The following AXIN1 variants were observed in gnomAD, a reference collection of about 807,000 sequenced individuals.
AXIN1 encodes axin-1.
Under a neutral mutation model 76.4 loss-of-function variants are expected in AXIN1, and 30 were observed. The observed-to-expected ratio is 0.39, with a 90% CI of 0.29 to 0.53. The LOEUF is 0.53. AXIN1 is among the 20% of genes least tolerant of loss of function. The pLI is 0.66. For synonymous variants in AXIN1, 545 were observed against 501.4 expected (o/e 1.09, Z -1.16); for missense variants, 1,140 against 1,198.8 (o/e 0.95, Z 0.72).
intron 3 of AXIN1, among the ~76,000 whole-genome samples, chr16:312,129 C>G (rs1021933686): frequency 6.6e-6 from 1 of 152,224 alleles, no homozygotes; most frequent in African/African-American, 2.4e-5. Flanking sequence ...GTAACCTCCA[C>G]AGGCCTCCGT....
At chr16:335,172 C>T (rs1463997980) in intron 2 of AXIN1, among the ~76,000 whole-genome samples, 4 of 152,142 alleles carry the variant, frequency 2.6e-5, no homozygotes, top group African/African-American at 9.7e-5. Flanking sequence ...TGTGGTATCT[C>T]CAACATAACT....
intron 2 of AXIN1, among the ~76,000 whole-genome samples, chr16:320,952 C>G (rs190950855): frequency 6.6e-6 from 1 of 151,890 alleles, no homozygotes; most frequent in African/African-American, 2.4e-5. Flanking sequence ...GTTGGTCAGG[C>G]TGGTCTCGAA....
intron 9 of AXIN1, chr16:289,910 G>C: frequency 1.9e-6 from 1 of 518,692 alleles, no homozygotes; most frequent in South Asian, 2.0e-5. Context: ...TAGGATGGCA[G>C]GGCAGGCTGC....
chr16:325,849 G>A (rs559542969), intron 2 of AXIN1, among the ~76,000 whole-genome samples: 120 of 152,274 alleles, frequency 7.9e-4, no homozygotes, highest in African/African-American at 2.8e-3. Flanking sequence ...AGCAGGACAA[G>A]CATTTCCTCA....
rs768431338 is a variant in AXIN1 at position 288,075 on chromosome 16, TG to T, written c.*46del. ...GTCATCTGCCTGGCCGTGACACCCG[TG>T]CCCGCCAAGGGCCTCGCCTGGCACA... On this transcript the variant is annotated 3_prime_UTR_variant, in exon 11 of 11. Transcript: ENST00000262320. 5.6e-6 allele frequency: 9 copies of T among 1,612,196 alleles called. No homozygotes were observed. In the Admixed American group the frequency reaches 1.5e-4, roughly 27 times the overall value.
At chr16:289,837 C>G (rs1407338206) in intron 9 of AXIN1, 1 of 607,962 alleles carries the variant, frequency 1.6e-6, no homozygotes, top group Admixed American at 2.7e-5. Flanking sequence ...CTCCCTGCTG[C>G]CTCACAGCCC....
At chr16:343,926 G>A (rs1366620596) in intron 2 of AXIN1, among the ~76,000 whole-genome samples, 3 of 151,266 alleles carry the variant, frequency 2.0e-5, no homozygotes, top group African/African-American at 7.3e-5. Context: ...CTTAAACCCA[G>A]GAGGCAGAAG....
At chr16:301,669 C>T (rs1473655629) in intron 5 of AXIN1, among the ~76,000 whole-genome samples, 1 of 152,136 alleles carries the variant, frequency 6.6e-6, no homozygotes, top group Non-Finnish European at 1.5e-5. Flanking sequence ...AAAATGGGAA[C>T]CTGCCCTACT....
chr16:350,597 A>G (rs755643374), intron 1 of AXIN1, among the ~76,000 whole-genome samples: 2 of 152,352 alleles, frequency 1.3e-5, no homozygotes, highest in Non-Finnish European at 1.5e-5. Context: ...CAAGTAACAC[A>G]ACACGACTCT....
intron 2 of AXIN1, among the ~76,000 whole-genome samples, chr16:336,853 A>C (rs1322564992): frequency 5.4e-5 from 8 of 149,402 alleles, no homozygotes; most frequent in Admixed American, 2.0e-4. Flanking sequence ...AAATACAAGA[A>C]CTTAACCAGG....
intron 7 of AXIN1, among the ~76,000 whole-genome samples, chr16:296,251 G>C (rs772583676): frequency 6.6e-6 from 1 of 152,260 alleles, no homozygotes. Context: ...CCACGCCCCA[G>C]GCGCTCAGCT....
rs2052732058 is a variant in AXIN1 at position 297,121 on chromosome 16, C to G, written c.1890G>C (p.Gln630His). ...PGASEDAEKN[Q>H]KIMQWIIEGE... ...CCTCAATGATCCACTGCATGATTTTCTGGTTCTTCTCCGCATCCTCCGAGG... is the reference window on the plus strand; with the variant it reads ...CCTCAATGATCCACTGCATGATTTTGTGGTTCTTCTCCGCATCCTCCGAGG... The change falls in exon 7 of 11, where the codon CAG becomes CAC. Residue 630 changes from glutamine to histidine, a missense_variant. Transcript: ENST00000262320. 6.2e-7 allele frequency: 1 copy of G among 1,612,794 alleles called. No individual in the cohort carries two copies. The highest frequency in any genetic ancestry group is 8.5e-7 in the Non-Finnish European group (1 of 1,179,954).
intron 6 of AXIN1, 90 bp from the exon 7 acceptor site, chr16:297,316 T>G: frequency 6.4e-7 from 1 of 1,555,540 alleles, no homozygotes; most frequent in Non-Finnish European, 8.7e-7. Context: ...CTGGCATCTG[T>G]AAGGCTCCCG....
chr16:324,036 G>A (rs1037318331), intron 2 of AXIN1, among the ~76,000 whole-genome samples: 16 of 152,100 alleles, frequency 1.1e-4, no homozygotes, highest in South Asian at 8.3e-4. Context: ...GGGAAGCCCC[G>A]TAGCCCACAG....
chr16:315,831 A>G (rs975748091), intron 2 of AXIN1, among the ~76,000 whole-genome samples: 1 of 147,506 alleles, frequency 6.8e-6, no homozygotes, highest in African/African-American at 2.6e-5. Context: ...CTGTCTCAAA[A>G]GAAAAAAAAA....
intron 2 of AXIN1, among the ~76,000 whole-genome samples, chr16:341,626 CG>C (rs2053924038): frequency 6.6e-6 from 1 of 152,250 alleles, no homozygotes; most frequent in Non-Finnish European, 1.5e-5. Flanking sequence ...CTGAGGAGTG[CG>C]GGCGCACGGC....
intron 2 of AXIN1, among the ~76,000 whole-genome samples, chr16:341,329 C>CGTGGGCTTG (rs1257284622): frequency 4.9e-4 from 75 of 152,368 alleles, no homozygotes; most frequent in Admixed American, 1.7e-3. Context: ...CCCGGGTGGG[C>CGTGGGCTTG]GTGGGCTTGG....
At chr16:306,300 A>G (rs1407986596) in intron 4 of AXIN1, among the ~76,000 whole-genome samples, 3 of 152,210 alleles carry the variant, frequency 2.0e-5, no homozygotes, top group Non-Finnish European at 4.4e-5. Context: ...CCCTGATACA[A>G]TAACATCACG....
intron 4 of AXIN1, among the ~76,000 whole-genome samples, chr16:307,576 G>A (rs956545296): frequency 1.3e-5 from 2 of 152,138 alleles, no homozygotes; most frequent in Non-Finnish European, 2.9e-5. Context: ...GGGGCAGGGG[G>A]CTTTTCGGGA....
Sources: allele counts gnomAD v4.1 joint callset (sites outside exome capture counted in the v4.1 genomes callset), GRCh38; gene constraint gnomAD v4.1.1; transcripts MANE v1.5; gene names NCBI Gene and HGNC (gene_info 2026-07-23, HGNC 2026-07-21).